Variants in IL5RA observed in about 807,000 individuals in gnomAD.
The protein encoded by IL5RA is interleukin-5 receptor subunit alpha.
Under a neutral mutation model 50.0 loss-of-function variants are expected in IL5RA, and 49 were observed. That is an observed-to-expected ratio of 0.98 (90% CI 0.78 to 1.24). The LOEUF (loss-of-function observed/expected upper bound fraction) is 1.24, where lower values mean the gene tolerates loss of function less well. Among genes scored for constraint, IL5RA ranks in the 50% most tolerant of loss-of-function variants. The pLI, the probability that IL5RA is intolerant of heterozygous loss-of-function variation, is 0.00. For synonymous variants in IL5RA, 202 were observed against 174.0 expected (o/e 1.16, Z -1.26); for missense variants, 600 against 500.4 (o/e 1.20, Z -1.90).
intron 9 of IL5RA, among the ~76,000 whole-genome samples, chr3:3,086,899 A>T (rs1702886638): frequency 6.6e-6 from 1 of 152,236 alleles, no homozygotes; most frequent in African/African-American, 2.4e-5. Flanking sequence ...AAAGAATGCA[A>T]TAATGTCTTT....
At chr3:3,080,751 G>A (rs1197938911) in intron 9 of IL5RA, among the ~76,000 whole-genome samples, 1 of 152,178 alleles carries the variant, frequency 6.6e-6, no homozygotes, top group Non-Finnish European at 1.5e-5. Flanking sequence ...CTGGAGTGCA[G>A]TGGCATGATC....
chr3:3,081,109 T>C (rs1194411703), intron 9 of IL5RA, among the ~76,000 whole-genome samples: 1 of 152,232 alleles, frequency 6.6e-6, no homozygotes, highest in Non-Finnish European at 1.5e-5. Flanking sequence ...ACCCTCAAAG[T>C]GGCAAAGCTT....
In IL5RA at chr3:3,097,983, G is replaced by C. The variant is rs372933600; in HGVS notation, c.596C>G (p.Pro199Arg). Reference protein sequence around the residue: ...TLGRNIACWFPRTFILSKGRD... With the variant: ...TLGRNIACWFRRTFILSKGRD... ...CCCTTTGCTGAGGATAAAAGTCCTG[G>C]GAAACCAGCATGCGATATTTCTCCC... The change falls in exon 7 of 12, where the codon CCC becomes CGC. Residue 199 changes from proline to arginine, a missense_variant. Coordinates refer to ENST00000446632, the MANE Select transcript of IL5RA (RefSeq NM_175726.4). 9 of 1,614,070 alleles carry C rather than the reference G, an allele frequency of 5.6e-6. No individual in the cohort carries two copies. In the African/African-American group the frequency reaches 6.7e-5, roughly 12 times the overall value.
At chr3:3,071,556 T>C (rs1702296993) in intron 11 of IL5RA, among the ~76,000 whole-genome samples, 1 of 38,356 alleles carries the variant, frequency 2.6e-5, no homozygotes, top group East Asian at 5.3e-4. Context: ...CTTCACAGTG[T>C]GTGTGTGTGT....
In IL5RA at chr3:3,097,856, T is replaced by G; in HGVS notation, c.709+14A>C. ...AGATTCAGTTATTTCAGCTTTGGGTTAAGTCGGTCTTACCAATGGCGTGAA... is the reference window on the plus strand; with the variant it reads ...AGATTCAGTTATTTCAGCTTTGGGTGAAGTCGGTCTTACCAATGGCGTGAA... On this transcript the variant is annotated intron_variant, in intron 7 of 11. Coordinates refer to ENST00000446632, the MANE Select transcript of IL5RA (RefSeq NM_175726.4). The G allele has an allele frequency of 6.2e-7, 1 of 1,604,420 alleles. No individual in the cohort carries two copies. The highest frequency in any genetic ancestry group is 8.5e-7 in the Non-Finnish European group (1 of 1,173,490).
At chr3:3,100,895 C>G (rs978529836) in intron 5 of IL5RA, among the ~76,000 whole-genome samples, 37 of 151,796 alleles carry the variant, frequency 2.4e-4, no homozygotes, top group African/African-American at 8.5e-4. Context: ...GTCTGTAACC[C>G]CAGCACTTTG....
chr3:3,097,909 T>G lies in IL5RA; in HGVS notation c.670A>C (p.Ile224Leu). Residue 224 changes from isoleucine (I) to leucine (L), a missense_variant, in exon 7 of 12, where the codon ATC (isoleucine) becomes CTC (leucine). Ile to Leu is a conservative substitution (Grantham distance 5, BLOSUM62 2). Transcript: ENST00000446632. Reference protein sequence around the residue: ...LVNGSSKHSAIRPFDQLFALH... With the variant: ...LVNGSSKHSALRPFDQLFALH... ...GCAAACAGCTGATCAAAGGGCCTGA[T>G]AGCAGAGTGCTTGCTGGAGCCGTTA... The G allele has an allele frequency of 6.2e-7, 1 of 1,614,208 alleles. No homozygotes were observed. The highest frequency in any genetic ancestry group is 8.5e-7 in the Non-Finnish European group (1 of 1,180,030).
intron 8 of IL5RA, among the ~76,000 whole-genome samples, chr3:3,094,013 A>G (rs531276473): frequency 6.6e-6 from 1 of 152,372 alleles, no homozygotes; most frequent in South Asian, 2.1e-4. Context: ...AACACATAAT[A>G]AAGCTTGACA....
rs1463148568 is a variant in IL5RA at position 3,108,589 on chromosome 3, C to G, written c.-43G>C. On this transcript the variant is annotated 5_prime_UTR_variant, in exon 2 of 12. Transcript: ENST00000446632. Reference sequence around the variant, plus strand: ...TCCTCTTGTTCCGACCAGTACTCAACAGAAGATGGCGAGGACCGTGTCTGT... The same window carrying G: ...TCCTCTTGTTCCGACCAGTACTCAAGAGAAGATGGCGAGGACCGTGTCTGT... 1 of 152,268 alleles carries G rather than the reference C, an allele frequency of 6.6e-6. No individual in the cohort carries two copies. The highest frequency in any genetic ancestry group is 1.5e-5 in the Non-Finnish European group (1 of 68,052). 9.4% of individuals were successfully genotyped at this position (152,268 alleles called of 1,614,324 possible).
intron 9 of IL5RA, among the ~76,000 whole-genome samples, chr3:3,090,782 C>T (rs1182062679): frequency 6.6e-6 from 1 of 151,828 alleles, no homozygotes; most frequent in Non-Finnish European, 1.5e-5. Context: ...ACCATGTTAC[C>T]GAGGATGGTC....
Position 3,102,803 on chromosome 3 carries a change from C to T in IL5RA, c.100G>A (p.Val34Ile). 1.9e-6 allele frequency: 3 copies of T among 1,609,012 alleles called. No individual in the cohort carries two copies. The highest frequency in any genetic ancestry group is 2.5e-6 in the Non-Finnish European group (3 of 1,178,284). The change falls in exon 4 of 12, where the codon GTC becomes ATC. Residue 34 changes from valine (V) to isoleucine (I), a missense_variant. Transcript: ENST00000446632. ...PDEKISLLPPVNFTIKVTGLA... is the reference protein window; with the variant it reads ...PDEKISLLPPINFTIKVTGLA... Reference sequence around the variant, plus strand: ...CCAGTAACTTTAATGGTGAAATTGACAGGTGGGAGAAGTGAAACTGTTGAT... The same window carrying T: ...CCAGTAACTTTAATGGTGAAATTGATAGGTGGGAGAAGTGAAACTGTTGAT...
intron 6 of IL5RA, 29 bp downstream of exon 6, chr3:3,098,108 G>C (rs375896304): frequency 6.2e-7 from 1 of 1,613,912 alleles, no homozygotes; most frequent in African/African-American, 1.3e-5. Context: ...ACAACCATTT[G>C]CCTAAGTAAA....
intron 9 of IL5RA, among the ~76,000 whole-genome samples, chr3:3,086,090 T>C (rs1344754698): frequency 2.0e-5 from 3 of 152,152 alleles, no homozygotes; most frequent in Admixed American, 2.0e-4. Context: ...CAAAACTCCA[T>C]CGTTTCTTTG....
At chr3:3,098,914 G>A in intron 5 of IL5RA, among the ~76,000 whole-genome samples, 1 of 152,102 alleles carries the variant, frequency 6.6e-6, no homozygotes, top group East Asian at 1.9e-4. Context: ...CGGCAACTTT[G>A]GTGCTCTAAT....
At chr3:3,079,656 A>G (rs1312732818) in intron 9 of IL5RA, among the ~76,000 whole-genome samples, 1 of 152,192 alleles carries the variant, frequency 6.6e-6, no homozygotes, top group Admixed American at 6.5e-5. Flanking sequence ...TTCCCCAGCC[A>G]GCACCTTTTC....
intron 8 of IL5RA, among the ~76,000 whole-genome samples, chr3:3,094,965 G>A (rs1703289073): frequency 6.6e-6 from 1 of 152,150 alleles, no homozygotes; most frequent in African/African-American, 2.4e-5. Flanking sequence ...GGTCTCAGGT[G>A]ATCCACCCAC....
intron 10 of IL5RA, among the ~76,000 whole-genome samples, chr3:3,075,855 C>G (rs966600660): frequency 2.0e-5 from 3 of 152,154 alleles, no homozygotes; most frequent in African/African-American, 7.2e-5. Flanking sequence ...CCGCTGTGGC[C>G]TCCCAAAGTG....
chr3:3,097,914 G>T lies in IL5RA; in HGVS notation c.665C>A (p.Ser222Tyr), dbSNP rs1425823311. ...CAGCTGATCAAAGGGCCTGATAGCA[G>T]AGTGCTTGCTGGAGCCGTTAACAAG... ...AVLVNGSSKH[S>Y]AIRPFDQLFA... Residue 222 changes from serine (S) to tyrosine (Y), a missense_variant, in exon 7 of 12, where the codon TCT (serine) becomes TAT (tyrosine). Coordinates refer to ENST00000446632, the MANE Select transcript of IL5RA (RefSeq NM_175726.4). 6.2e-7 allele frequency: 1 copy of T among 1,614,194 alleles called. No homozygotes were observed. Among genetic ancestry groups the T allele is most frequent in the Non-Finnish European group, 8.5e-7 (1 of 1,180,030 alleles).
At chr3:3,102,567 C>T in intron 4 of IL5RA, 108 bp downstream of exon 4, 1 of 724,502 alleles carries the variant, frequency 1.4e-6, no homozygotes, top group Non-Finnish European at 2.2e-6. Flanking sequence ...TAACATAGAG[C>T]CTGTCAGTAA....
Sources: gnomAD v4.1 joint callset for allele counts (sites outside exome capture counted in the v4.1 genomes callset) on GRCh38, gnomAD v4.1.1 for gene constraint, MANE v1.5 for transcripts, NCBI Gene and HGNC (gene_info 2026-07-23, HGNC 2026-07-21) for gene names.